The following DTD1 variants were observed in gnomAD, a reference collection of about 807,000 sequenced individuals.
DTD1 encodes D-aminoacyl-tRNA deacylase 1.
DTD1 carries 13 observed loss-of-function variants against 25.6 expected under a neutral mutation model. That is an observed-to-expected ratio of 0.51 (90% CI 0.33 to 0.81). The LOEUF (loss-of-function observed/expected upper bound fraction) is 0.81. Ranked by LOEUF, DTD1 falls within the 30% of genes least tolerant of loss-of-function variation. DTD1 has a pLI of 0.02. For missense variants in DTD1, 193 were observed against 266.4 expected, an observed-to-expected ratio of 0.72 and a Z score of 1.92; for synonymous variants, 110 against 103.6, an observed-to-expected ratio of 1.06 and a Z score of -0.37.
At position 18,622,942 on chromosome 20, in the gene DTD1, A is replaced by ATTTTTTTT. The variant is rs771564529; in HGVS notation, c.371-5180_371-5173dup. ...ACTTATTAGAAGACAATTTTATAGA[A>ATTTTTTTT]TTTTTTTTTTTTGTCTGAGATGGAG... On this transcript the variant is annotated intron_variant, in intron 3 of 5. Transcript: ENST00000377452. Among the ~76,000 whole-genome samples, 56 of 129,784 alleles carry ATTTTTTTT rather than the reference A, an allele frequency of 4.3e-4. 1 individual carries two copies. In the South Asian group the frequency reaches 4.3e-3, roughly 10 times the overall value. 85.1% of individuals were successfully genotyped at this position (129,784 alleles called of 152,430 possible).
intron 4 of DTD1, among the ~76,000 whole-genome samples, chr20:18,628,779 T>C (rs1480532101): frequency 6.6e-6 from 1 of 152,150 alleles, no homozygotes; most frequent in Non-Finnish European, 1.5e-5. Flanking sequence ...GTCTCATAGA[T>C]GCTTAGCATA....
intron 4 of DTD1, among the ~76,000 whole-genome samples, chr20:18,738,693 A>G (rs1459249206): frequency 6.6e-6 from 1 of 152,178 alleles, no homozygotes; most frequent in Non-Finnish European, 1.5e-5. Context: ...GTCACATGCC[A>G]TGTGACAGGA....
chr20:18,752,704 G>C (rs1174523389), intron 5 of DTD1, among the ~76,000 whole-genome samples: 2 of 152,004 alleles, frequency 1.3e-5, no homozygotes, highest in Non-Finnish European at 2.9e-5. Flanking sequence ...GATCTTTTTG[G>C]GTCCGCTGAC....
rs532097033 is a variant in DTD1 at position 18,676,215 on chromosome 20, C to T, written c.477+47982C>T. Among the ~76,000 whole-genome samples, 75 of 152,168 alleles carry T rather than the reference C, an allele frequency of 4.9e-4. 1 individual carries two copies. Among genetic ancestry groups the T allele is most frequent in the South Asian group, 1.9e-3 (9 of 4,820 alleles). Reference sequence around the variant, plus strand: ...GAGAATGCAGACATGTCCAAGGTTTCGAAACTGCTCATCAAGAGCTCCTCT... The same window carrying T: ...GAGAATGCAGACATGTCCAAGGTTTTGAAACTGCTCATCAAGAGCTCCTCT... On this transcript the variant is annotated intron_variant, in intron 4 of 5. Transcript: ENST00000377452.
chr20:18,671,174 C>A (rs2122389753), intron 4 of DTD1, among the ~76,000 whole-genome samples: 1 of 152,208 alleles, frequency 6.6e-6, no homozygotes, highest in African/African-American at 2.4e-5. Context: ...ATGTAAGGGG[C>A]CTCTTTCTCA....
chr20:18,693,770 C>T (rs1245302307), intron 4 of DTD1, among the ~76,000 whole-genome samples: 2 of 152,164 alleles, frequency 1.3e-5, no homozygotes, highest in African/African-American at 4.8e-5. Flanking sequence ...CCCTTATCCC[C>T]ATTGTGTATC....
chr20:18,623,613 C>T (rs6045515), intron 3 of DTD1, among the ~76,000 whole-genome samples: 73,068 of 151,950 alleles, frequency 0.48, 18,000 homozygotes, highest in Middle Eastern at 0.54. Context: ...CTGGGACATG[C>T]ACACGGAAGC....
intron 4 of DTD1, among the ~76,000 whole-genome samples, chr20:18,679,258 G>C (rs1343894739): frequency 6.6e-6 from 1 of 152,222 alleles, no homozygotes; most frequent in East Asian, 1.9e-4. Flanking sequence ...GCTGTTGGCA[G>C]TCACCATTAT....
chr20:18,757,519 A>G (rs1437448595), intron 5 of DTD1, among the ~76,000 whole-genome samples: 6 of 152,170 alleles, frequency 3.9e-5, no homozygotes, highest in East Asian at 1.9e-4. Flanking sequence ...TTCTGCATCT[A>G]TTGAGATAAT....
At position 18,764,471 on chromosome 20, in the gene DTD1, G is replaced by A. The variant is rs565194172; in HGVS notation, c.*1131G>A. On this transcript the variant is annotated 3_prime_UTR_variant, in exon 6 of 6. Transcript: ENST00000377452. Reference sequence around the variant, plus strand: ...TATATGCTCTCTGGAAAATATTTTTGTATATAGAAGAGACATCCTTAATTG... The same window carrying A: ...TATATGCTCTCTGGAAAATATTTTTATATATAGAAGAGACATCCTTAATTG... 2 of 152,266 alleles carry A rather than the reference G, an allele frequency of 1.3e-5. No individual in the cohort carries two copies. Among genetic ancestry groups the A allele is most frequent in the African/African-American group, 2.4e-5 (1 of 41,550 alleles). 9.4% of individuals were successfully genotyped at this position (152,266 alleles called of 1,614,324 possible).
chr20:18,686,338 G>A (rs772619741), intron 4 of DTD1, among the ~76,000 whole-genome samples: 14 of 152,232 alleles, frequency 9.2e-5, no homozygotes, highest in Non-Finnish European at 1.6e-4. Flanking sequence ...TATTTAGGCA[G>A]TGTGTGCCCT....
At chr20:18,629,495 T>C (rs2060774698) in intron 4 of DTD1, among the ~76,000 whole-genome samples, 1 of 151,576 alleles carries the variant, frequency 6.6e-6, no homozygotes, top group Non-Finnish European at 1.5e-5. Flanking sequence ...AGAGGGAGTT[T>C]TACCATGTTG....
intron 4 of DTD1, among the ~76,000 whole-genome samples, chr20:18,646,502 G>A (rs1036556937): frequency 3.9e-5 from 6 of 152,212 alleles, no homozygotes; most frequent in African/African-American, 1.4e-4. Flanking sequence ...ACTAAAGGAA[G>A]GAAAAGAGGA....
At chr20:18,656,698 A>T (rs377619976) in intron 4 of DTD1, among the ~76,000 whole-genome samples, 1 of 151,958 alleles carries the variant, frequency 6.6e-6, no homozygotes, top group South Asian at 2.1e-4. Flanking sequence ...CACCCCATTC[A>T]CTTGAAGTCT....
At chr20:18,684,968 C>T (rs1363224441) in intron 4 of DTD1, among the ~76,000 whole-genome samples, 2 of 151,542 alleles carry the variant, frequency 1.3e-5, no homozygotes, top group African/African-American at 2.4e-5. Context: ...GTGCAATGAT[C>T]ATAGTTCACT....
At chr20:18,683,799 G>T (rs1209522035) in intron 4 of DTD1, among the ~76,000 whole-genome samples, 1 of 152,238 alleles carries the variant, frequency 6.6e-6, no homozygotes, top group Non-Finnish European at 1.5e-5. Context: ...ATTCGAGCAA[G>T]CTGACTGGGC....
At chr20:18,750,094 A>G (rs1481051068) in intron 5 of DTD1, among the ~76,000 whole-genome samples, 1 of 152,220 alleles carries the variant, frequency 6.6e-6, no homozygotes, top group Non-Finnish European at 1.5e-5. Context: ...GCCGAGGACC[A>G]GAGCGGGGCT....
At chr20:18,659,166 C>G (rs138952856) in intron 4 of DTD1, among the ~76,000 whole-genome samples, 13 of 152,330 alleles carry the variant, frequency 8.5e-5, no homozygotes, top group African/African-American at 3.1e-4. Context: ...GTATACTCCT[C>G]AAGAAAGTTT....
At chr20:18,722,424 G>A (rs1277705839) in intron 4 of DTD1, among the ~76,000 whole-genome samples, 4 of 132,170 alleles carry the variant, frequency 3.0e-5, no homozygotes, top group African/African-American at 1.1e-4. Context: ...AAGTAAAGGA[G>A]ACTTAAGATG....
Sources: allele counts gnomAD v4.1 joint callset (sites outside exome capture counted in the v4.1 genomes callset), GRCh38; gene constraint gnomAD v4.1.1; transcripts MANE v1.5; gene names NCBI Gene and HGNC (gene_info 2026-07-23, HGNC 2026-07-21).